PTBP2: variants seen among roughly 807,000 people sequenced by gnomAD.
PTBP2 encodes the protein polypyrimidine tract binding protein 2.
A neutral mutation model predicts 61.4 loss-of-function variants in PTBP2; 13 were observed. The ratio of observed to expected loss-of-function variants is 0.21; its 90% CI spans 0.14 to 0.34. The LOEUF is 0.34. Ranked by LOEUF, PTBP2 falls within the 10% of genes least tolerant of loss-of-function variation. The pLI is 1.00. For missense variants in PTBP2, 405 were observed against 642.6 expected (o/e 0.63, Z 4.00); for synonymous variants, 215 against 218.5 (o/e 0.98, Z 0.14).
intron 2 of PTBP2, among the ~76,000 whole-genome samples, chr1:96,725,015 C>G (rs1003159046): frequency 6.6e-6 from 1 of 152,044 alleles, no homozygotes; most frequent in African/African-American, 2.4e-5. Context: ...TTTGTACAGA[C>G]TAAAGGAGGA....
At chr1:96,767,077 T>C (rs1315404827) in intron 3 of PTBP2, among the ~76,000 whole-genome samples, 1 of 152,156 alleles carries the variant, frequency 6.6e-6, no homozygotes, top group Non-Finnish European at 1.5e-5. Context: ...ATATTAAATA[T>C]TGATGCAAAA....
At chr1:96,757,403 TTTC>T (rs1372177205) in intron 3 of PTBP2, among the ~76,000 whole-genome samples, 1 of 152,214 alleles carries the variant, frequency 6.6e-6, no homozygotes, top group Non-Finnish European at 1.5e-5. Context: ...TCAGAAAACA[TTTC>T]TTAATTTGTA....
chr1:96,744,353 AT>A (rs1002357830), intron 2 of PTBP2, among the ~76,000 whole-genome samples: 6 of 152,114 alleles, frequency 3.9e-5, no homozygotes, highest in Non-Finnish European at 8.8e-5. Context: ...TAATGTTTGA[AT>A]TTTTTTAACG....
intron 3 of PTBP2, among the ~76,000 whole-genome samples, chr1:96,757,623 G>A (rs1655305715): frequency 6.6e-6 from 1 of 152,042 alleles, no homozygotes; most frequent in African/African-American, 2.4e-5. Flanking sequence ...ACTATACCCA[G>A]TAACTGTAAA....
chr1:96,751,534 C>T, intron 3 of PTBP2, 34 bp downstream of exon 3: 1 of 1,510,992 alleles, frequency 6.6e-7, no homozygotes, highest in Non-Finnish European at 9.1e-7. Context: ...CTGTCATTTG[C>T]CATTTTAGGG....
chr1:96,749,586 C>T lies in PTBP2; in HGVS notation c.40-1839C>T, dbSNP rs968737795. 3 of 452,620 alleles carry T rather than the reference C, an allele frequency of 6.6e-6. 1 individual carries two copies. The highest frequency in any genetic ancestry group is 4.7e-5 in the South Asian group (3 of 64,182). The allele number at this position is 452,620 out of a possible 1,614,324, so 28.0% of individuals were successfully genotyped here. On this transcript the variant is annotated intron_variant, in intron 2 of 13. Transcript: ENST00000674951. ...GGAAGAGCTGGCTTTATTTCTCTATCCTGTGGGAGGGGCAAACTTTGATTT... is the reference window on the plus strand; with the variant it reads ...GGAAGAGCTGGCTTTATTTCTCTATTCTGTGGGAGGGGCAAACTTTGATTT...
At position 96,764,291 on chromosome 1, in the gene PTBP2, G is replaced by T. The variant is rs963911318; in HGVS notation, c.116-5412G>T. Among the ~76,000 whole-genome samples the T allele has an allele frequency of 3.3e-5, 5 of 152,142 alleles. No homozygotes were observed. In the East Asian group the frequency reaches 9.6e-4, roughly 29 times the overall value. On this transcript the variant is annotated intron_variant, in intron 3 of 13. Transcript: ENST00000674951. ...AGTAAGGACATTTTCTAATGAATTG[G>T]TTCCTTCAAGAGATATAAAAGTGAA...
chr1:96,815,972 T>A (rs980994505), downstream of PTBP2: 13 of 152,196 alleles, frequency 8.5e-5, no homozygotes, highest in African/African-American at 3.1e-4. Context: ...CAGTAATTAG[T>A]GGTGGCTATA....
intron 3 of PTBP2, among the ~76,000 whole-genome samples, chr1:96,765,089 T>G (rs1656517670): frequency 6.6e-6 from 1 of 152,160 alleles, no homozygotes; most frequent in Admixed American, 6.5e-5. Context: ...CAGGAAAGAG[T>G]AGCAGCATTC....
intron 2 of PTBP2, among the ~76,000 whole-genome samples, chr1:96,746,836 T>TCCCC (rs1653846390): frequency 9.6e-6 from 1 of 104,182 alleles, no homozygotes; most frequent in African/African-American, 4.0e-5. Flanking sequence ...TGTCTGTCTG[T>TCCCC]CTCCCTCCCT....
chr1:96,812,081 G>C (rs1662138011), intron 11 of PTBP2, among the ~76,000 whole-genome samples: 1 of 152,170 alleles, frequency 6.6e-6, no homozygotes, highest in Non-Finnish European at 1.5e-5. Context: ...TCAGATTTCA[G>C]ATTTCTGCAT....
chr1:96,723,803 AAAGT>A, intron 2 of PTBP2, among the ~76,000 whole-genome samples: 1 of 152,234 alleles, frequency 6.6e-6, no homozygotes, highest in East Asian at 1.9e-4. Flanking sequence ...ATAACCTTTT[AAAGT>A]AAGTATGAAT....
At chr1:96,822,766 C>T (rs1037194503) in exon 14 of PTBP2, 5 of 152,044 alleles carry the variant, frequency 3.3e-5, no homozygotes, top group African/African-American at 1.2e-4. Flanking sequence ...AGTAAAGCTG[C>T]GTAATACTTT....
chr1:96,786,531 G>A (rs1659221611), intron 8 of PTBP2, among the ~76,000 whole-genome samples: 1 of 152,160 alleles, frequency 6.6e-6, no homozygotes, highest in African/African-American at 2.4e-5. Context: ...AGTCAGGAAT[G>A]AAAGAGTGAA....
At chr1:96,816,756 A>G (rs892669389), downstream of PTBP2, 1 of 152,130 alleles carries the variant, frequency 6.6e-6, no homozygotes, top group Non-Finnish European at 1.5e-5. Context: ...TCACTTTTCA[A>G]AGCCTCAATG....
intron 8 of PTBP2, among the ~76,000 whole-genome samples, chr1:96,791,640 T>C (rs1168519930): frequency 6.6e-6 from 1 of 152,104 alleles, no homozygotes. Context: ...TCTTTTTGGA[T>C]CATTGGTATT....
intron 3 of PTBP2, among the ~76,000 whole-genome samples, chr1:96,763,411 A>G (rs1029530729): frequency 3.9e-5 from 6 of 151,906 alleles, no homozygotes; most frequent in Non-Finnish European, 8.8e-5. Flanking sequence ...CCCCGTCTCC[A>G]CCAAAAAAAT....
At chr1:96,776,180 A>G (rs187246177) in intron 5 of PTBP2, among the ~76,000 whole-genome samples, 3 of 152,122 alleles carry the variant, frequency 2.0e-5, no homozygotes, top group Admixed American at 1.3e-4. Context: ...GTGGTAGTCT[A>G]TGCTTGTTAT....
At chr1:96,751,025 G>A (rs1247156502) in intron 2 of PTBP2, among the ~76,000 whole-genome samples, 1 of 152,026 alleles carries the variant, frequency 6.6e-6, no homozygotes, top group Non-Finnish European at 1.5e-5. Flanking sequence ...CCAGAATGAA[G>A]TTCTAATTTT....
Sources: allele counts gnomAD v4.1 joint callset (sites outside exome capture counted in the v4.1 genomes callset), GRCh38; gene constraint gnomAD v4.1.1; transcripts MANE v1.5; gene names NCBI Gene and HGNC (gene_info 2026-07-23, HGNC 2026-07-21).